Variants in ADARB2 observed in about 807,000 individuals in gnomAD.
ADARB2 encodes the protein inactive double-stranded RNA-specific editase B2.
Under a neutral mutation model 62.2 loss-of-function variants are expected in ADARB2, and 25 were observed. The observed-to-expected ratio is 0.40, with a 90% CI of 0.29 to 0.56. The LOEUF is 0.56. Ranked by LOEUF, ADARB2 falls within the 20% of genes least tolerant of loss-of-function variation. ADARB2 has a pLI of 0.43. For synonymous variants in ADARB2, 572 were observed against 500.8 expected, an observed-to-expected ratio of 1.14 and a Z score of -1.90; for missense variants, 1,071 against 1,077.4, an observed-to-expected ratio of 0.99 and a Z score of 0.08.
chr10:1,373,937 A>G (rs948946992), intron 2 of ADARB2, among the ~76,000 whole-genome samples: 10 of 146,446 alleles, frequency 6.8e-5, no homozygotes, highest in Admixed American at 6.1e-4. Flanking sequence ...CACCCTTCCT[A>G]GTGAAACCGC....
intron 4 of ADARB2, among the ~76,000 whole-genome samples, chr10:1,261,255 T>C (rs1241446355): frequency 3.3e-5 from 5 of 150,418 alleles, no homozygotes; most frequent in African/African-American, 5.0e-5. Flanking sequence ...AAGGACTTCA[T>C]GTCCAAAACA....
intron 1 of ADARB2, among the ~76,000 whole-genome samples, chr10:1,435,378 C>T (rs947887221): frequency 6.6e-6 from 1 of 152,340 alleles, no homozygotes; most frequent in South Asian, 2.1e-4. Context: ...TAAAGATGTT[C>T]TAATCTCTGC....
Position 1,612,919 on chromosome 10 carries a change from A to G in ADARB2, c.100+124132T>C, listed in dbSNP as rs557841828. On this transcript the variant is annotated intron_variant, in intron 1 of 9. Coordinates refer to ENST00000381312, the MANE Select transcript of ADARB2 (RefSeq NM_018702.4). ...AAACTATTGGGTTGTAGTGATTAGT[A>G]GCTGAAATAAATGTTATTTTAAATT... 1.7e-4 allele frequency among the ~76,000 whole-genome samples: 26 copies of G among 152,364 alleles called. 1 individual carries two copies. The South Asian group carries it at 5.4e-3, about 32-fold the overall frequency.
intron 1 of ADARB2, among the ~76,000 whole-genome samples, chr10:1,432,396 A>G (rs559350834): frequency 1.3e-5 from 2 of 152,146 alleles, no homozygotes; most frequent in Admixed American, 1.3e-4. Context: ...AAAAGTAAAT[A>G]TAGGTATGAA....
At chr10:1,394,351 C>A (rs567664103) in intron 1 of ADARB2, among the ~76,000 whole-genome samples, 3 of 152,180 alleles carry the variant, frequency 2.0e-5, no homozygotes, top group Non-Finnish European at 4.4e-5. Context: ...TCAAGGCCCG[C>A]GGGTCACCTC....
At chr10:1,530,632 G>A (rs542269556) in intron 1 of ADARB2, among the ~76,000 whole-genome samples, 13 of 152,170 alleles carry the variant, frequency 8.5e-5, no homozygotes, top group African/African-American at 2.9e-4. Flanking sequence ...CACACCGACC[G>A]CTTGTCGGTT....
At chr10:1,600,247 G>A (rs1460886988) in intron 1 of ADARB2, among the ~76,000 whole-genome samples, 1 of 152,164 alleles carries the variant, frequency 6.6e-6, no homozygotes, top group African/African-American at 2.4e-5. Flanking sequence ...GGGATGGGGT[G>A]CTGAGGCCTG....
intron 1 of ADARB2, among the ~76,000 whole-genome samples, chr10:1,684,245 T>C (rs1254340831): frequency 2.0e-5 from 3 of 152,344 alleles, no homozygotes; most frequent in Admixed American, 1.3e-4. Flanking sequence ...TCTGAGAAGA[T>C]GGTGGAAAAA....
chr10:1,475,627 T>G (rs1588271323), intron 1 of ADARB2, among the ~76,000 whole-genome samples: 1 of 152,266 alleles, frequency 6.6e-6, no homozygotes, highest in African/African-American at 2.4e-5. Flanking sequence ...TTTTTTCACC[T>G]GGCACATTCT....
intron 1 of ADARB2, among the ~76,000 whole-genome samples, chr10:1,525,332 C>A (rs914324582): frequency 6.6e-6 from 1 of 152,148 alleles, no homozygotes; most frequent in Non-Finnish European, 1.5e-5. Flanking sequence ...CAATTATTTT[C>A]TTCAGGAATC....
At chr10:1,300,880 C>G (rs1831566658) in intron 3 of ADARB2, among the ~76,000 whole-genome samples, 1 of 152,076 alleles carries the variant, frequency 6.6e-6, no homozygotes, top group African/African-American at 2.4e-5. Flanking sequence ...ACATGTAGGC[C>G]AAGGTGCTTA....
chr10:1,686,285 G>A (rs1053069560), intron 1 of ADARB2, among the ~76,000 whole-genome samples: 3 of 152,228 alleles, frequency 2.0e-5, no homozygotes, highest in Admixed American at 6.5e-5. Flanking sequence ...TTGGGCCGGC[G>A]GTTAAATGAA....
intron 3 of ADARB2, among the ~76,000 whole-genome samples, chr10:1,329,084 C>A (rs1489260667): frequency 6.6e-6 from 1 of 150,396 alleles, no homozygotes; most frequent in Non-Finnish European, 1.5e-5. Context: ...ACACACTGCT[C>A]TGATTAAATA....
At chr10:1,595,851 A>G (rs1201999984) in intron 1 of ADARB2, among the ~76,000 whole-genome samples, 2 of 152,246 alleles carry the variant, frequency 1.3e-5, no homozygotes, top group African/African-American at 2.4e-5. Context: ...AGCTTTGGAC[A>G]TCTACATGTT....
chr10:1,522,497 C>G (rs532314709), intron 1 of ADARB2, among the ~76,000 whole-genome samples: 1 of 152,114 alleles, frequency 6.6e-6, no homozygotes, highest in Admixed American at 6.5e-5. Flanking sequence ...GTGTAAACCC[C>G]GACTCCCAGG....
intron 1 of ADARB2, among the ~76,000 whole-genome samples, chr10:1,591,184 G>A (rs531590749): frequency 5.3e-5 from 8 of 152,296 alleles, no homozygotes; most frequent in South Asian, 4.1e-4. Context: ...TATGGACTCC[G>A]CCTGAGTTTG....
intron 4 of ADARB2, among the ~76,000 whole-genome samples, chr10:1,260,561 A>C (rs1453557596): frequency 1.3e-5 from 2 of 151,940 alleles, no homozygotes; most frequent in Non-Finnish European, 2.9e-5. Context: ...AATTGCTTCA[A>C]AGACAATAAA....
intron 1 of ADARB2, among the ~76,000 whole-genome samples, chr10:1,400,717 T>A (rs1306035374): frequency 6.6e-6 from 1 of 152,224 alleles, no homozygotes; most frequent in Admixed American, 6.5e-5. Flanking sequence ...GAGATGGCAC[T>A]GCTCCCCTCC....
At chr10:1,576,271 G>T (rs1402101060) in intron 1 of ADARB2, among the ~76,000 whole-genome samples, 2 of 150,124 alleles carry the variant, frequency 1.3e-5, no homozygotes, top group African/African-American at 4.9e-5. Context: ...AGGGCTCAGG[G>T]TCAAAGGAGG....
Sources: allele counts gnomAD v4.1 joint callset (sites outside exome capture counted in the v4.1 genomes callset), GRCh38; gene constraint gnomAD v4.1.1; transcripts MANE v1.5; gene names NCBI Gene and HGNC (gene_info 2026-07-23, HGNC 2026-07-21).